The following COL11A2 variants were observed in gnomAD, a reference collection of about 807,000 sequenced individuals.
The protein encoded by COL11A2 is collagen type XI alpha 2 chain.
Under a neutral mutation model 273.4 loss-of-function variants are expected in COL11A2, and 116 were observed. The ratio of observed to expected loss-of-function variants is 0.42; its 90% CI spans 0.36 to 0.49. The LOEUF (loss-of-function observed/expected upper bound fraction) is 0.49. Ranked by LOEUF, COL11A2 falls within the 20% of genes least tolerant of loss-of-function variation. COL11A2 has a pLI of 0.00. For synonymous variants in COL11A2, 782 were observed against 864.2 expected (o/e 0.90, Z 1.67); for missense variants, 1,866 against 2,309.0 (o/e 0.81, Z 3.93).
chr6:33,163,898 C>T lies in COL11A2; in HGVS notation c.5071-80G>A. 1.9e-6 allele frequency: 3 copies of T among 1,601,798 alleles called. No individual in the cohort carries two copies. The highest frequency in any genetic ancestry group is 2.6e-6 in the Non-Finnish European group (3 of 1,170,694). On this transcript the variant is annotated intron_variant, in intron 65 of 65. Coordinates refer to ENST00000341947, the MANE Select transcript of COL11A2 (RefSeq NM_080680.3). The surrounding 1 kb of genome is among the most constrained non-coding windows in gnomAD (Gnocchi z 4.1). The stretch of plus-strand genomic sequence containing the variant: ...TCTAACCTCAGGCCCAGGCTCACCT[C>T]TCCTCTGAGCACCTTGGCCCCATCA...
rs1408609883 is a variant in COL11A2 at position 33,178,674 on chromosome 6, C to T, written c.1719+5G>A. 1 of 1,612,804 alleles carries T rather than the reference C, an allele frequency of 6.2e-7. No individual in the cohort carries two copies. The highest frequency in any genetic ancestry group is 8.5e-7 in the Non-Finnish European group (1 of 1,179,962). On this transcript the variant is annotated splice_donor_5th_base_variant and intron_variant, in intron 18 of 65. Coordinates refer to ENST00000341947, the MANE Select transcript of COL11A2 (RefSeq NM_080680.3). The surrounding 1 kb of genome is among the most constrained non-coding windows in gnomAD (Gnocchi z 4.6). ...ATTACAACACACACCCACTAATGTA[C>T]TCACCCTATGGCCCTTCTCTCCAGG...
At chr6:33,185,432 G>C (rs549903496) in intron 6 of COL11A2, among the ~76,000 whole-genome samples, 1 of 152,092 alleles carries the variant, frequency 6.6e-6, no homozygotes, top group African/African-American at 2.4e-5. Context: ...TGAGGGGGAC[G>C]CCTGCCAGGT....
rs1265758956 is a variant in COL11A2, at chr6:33,176,231, G to A, written c.2214+28C>T. On this transcript the variant is annotated intron_variant, in intron 28 of 65. Transcript: ENST00000341947. The surrounding 1 kb of genome is among the most constrained non-coding windows in gnomAD (Gnocchi z 4.9). ...AGAGAGGAGATGGCAGGACTGAGGT[G>A]CTGGGAAGCTGGGGGCATGGTGCTC... is the stretch of plus-strand genomic sequence containing the variant. The A allele has an allele frequency of 6.2e-7, 1 of 1,608,400 alleles. No individual in the cohort carries two copies. Among genetic ancestry groups the A allele is most frequent in the African/African-American group, 1.3e-5 (1 of 74,824 alleles).
chr6:33,177,685 G>C lies in COL11A2; in HGVS notation c.1894C>G (p.Pro632Ala). 6.2e-7 allele frequency: 1 copy of C among 1,612,994 alleles called. No individual in the cohort carries two copies. The highest frequency in any genetic ancestry group is 8.5e-7 in the Non-Finnish European group (1 of 1,180,000). ...ACCAAGCTCCCTTTGGGGCCCTGGGGACCATCCATGCCTCGGACGCCCTGA... is the reference window on the plus strand; with the variant it reads ...ACCAAGCTCCCTTTGGGGCCCTGGGCACCATCCATGCCTCGGACGCCCTGA... ...GPPGVRGMDG[P>A]QGPKGSLGPQ... Residue 632 changes from proline to alanine, a missense_variant, in exon 22 of 66, where the codon CCC becomes GCC. Physicochemically the swap from Pro to Ala is conservative, Grantham distance 27 (BLOSUM62 -1). Coordinates refer to ENST00000341947, the MANE Select transcript of COL11A2 (RefSeq NM_080680.3). This position sits in a 1 kb window ranked among gnomAD's most constrained non-coding sequence, Gnocchi z 5.9.
At chr6:33,186,502 A>T in intron 5 of COL11A2, 125 bp downstream of exon 5, 2 of 1,560,444 alleles carry the variant, frequency 1.3e-6, no homozygotes, top group East Asian at 4.5e-5. Flanking sequence ...ATGAATGAGG[A>T]CTAGGAGGAG....
Position 33,173,714 on chromosome 6 carries a change from G to T in COL11A2, c.2615C>A (p.Pro872His). The T allele has an allele frequency of 6.3e-7, 1 of 1,574,976 alleles. No homozygotes were observed. The highest frequency in any genetic ancestry group is 8.6e-7 in the Non-Finnish European group (1 of 1,159,182). Residue 872 changes from proline (P) to histidine (H), a missense_variant, in exon 35 of 66, where the codon CCC becomes CAC. By Grantham distance (77) the Pro-to-His change is moderately conservative. Transcript: ENST00000341947. This position sits in a 1 kb window ranked among gnomAD's most constrained non-coding sequence, Gnocchi z 6.3. Reference protein sequence around the residue: ...GTSGGDGPHGPPGERGLPGPQ... With the variant: ...GTSGGDGPHGHPGERGLPGPQ... ...ATCCACACTCACCCTCTCTCCAGGG[G>T]GCCCATGGGGGCCATCACCACCAGA...
chr6:33,168,985 G>T lies in COL11A2; in HGVS notation c.3822C>A (p.Asp1274Glu). Residue 1274 changes from aspartate to glutamate, a missense_variant, in exon 52 of 66, where the codon GAC becomes GAA. Transcript: ENST00000341947. ...GGCCACCTTCTCCAGGGGGGCCAGG[G>T]TCACCAGGAAAACCAACAGGACCCT... Reference protein sequence around the residue: ...GNPGPVGFPGDPGPPGEGGPR... With the variant: ...GNPGPVGFPGEPGPPGEGGPR... The T allele has an allele frequency of 6.2e-7, 1 of 1,609,592 alleles. No homozygotes were observed. Among genetic ancestry groups the T allele is most frequent in the Non-Finnish European group, 8.5e-7 (1 of 1,178,238 alleles).
Position 33,178,558 on chromosome 6 carries a change from C to A in COL11A2, c.1720-70G>T. 1 of 1,609,734 alleles carries A rather than the reference C, an allele frequency of 6.2e-7. No individual in the cohort carries two copies. The highest frequency in any genetic ancestry group is 8.5e-7 in the Non-Finnish European group (1 of 1,177,228). Reference sequence around the variant, plus strand: ...CACAGGCAGACACCGAACCTCTGCACTTAGCCCATCCATTACTTTCACTGA... The same window carrying A: ...CACAGGCAGACACCGAACCTCTGCAATTAGCCCATCCATTACTTTCACTGA... On this transcript the variant is annotated intron_variant, in intron 18 of 65. Transcript: ENST00000341947. This position sits in a 1 kb window ranked among gnomAD's most constrained non-coding sequence, Gnocchi z 4.6.
In COL11A2 at chr6:33,179,147, G is replaced by A. The variant is rs1012938276; in HGVS notation, c.1558-21C>T. 3.1e-6 allele frequency: 5 copies of A among 1,613,208 alleles called. No individual in the cohort carries two copies. The highest frequency in any genetic ancestry group is 1.7e-5 in the Admixed American group (1 of 59,844). On this transcript the variant is annotated intron_variant, in intron 15 of 65. Transcript: ENST00000341947. The surrounding 1 kb of genome is among the most constrained non-coding windows in gnomAD (Gnocchi z 6.4). ...GGGCCCTGGTGAGAGGAGAGATGGG[G>A]TGGGGTTAGGAGGCATAGGGAGGGG...
Position 33,180,739 on chromosome 6 carries a change from C to T in COL11A2, c.1222-9G>A. The T allele has an allele frequency of 1.9e-6, 3 of 1,610,838 alleles. No individual in the cohort carries two copies. The highest frequency in any genetic ancestry group is 2.5e-6 in the Non-Finnish European group (3 of 1,178,848). The stretch of plus-strand genomic sequence containing the variant: ...GGGGGACCAATCAATCCCTGAGGAA[C>T]AAAAGAGTAGGGGTCAGGTGTGGGC... On this transcript the variant is annotated splice_polypyrimidine_tract_variant and intron_variant, in intron 10 of 65. Coordinates refer to ENST00000341947, the MANE Select transcript of COL11A2 (RefSeq NM_080680.3).
At position 33,178,991 on chromosome 6, in the gene COL11A2, G is replaced by C; in HGVS notation, c.1612-18C>G. 2 of 1,614,162 alleles carry C rather than the reference G, an allele frequency of 1.2e-6. No homozygotes were observed. Among genetic ancestry groups the C allele is most frequent in the Non-Finnish European group, 1.7e-6 (2 of 1,180,010 alleles). ...GCCCGGCCCTGGGAGAACAAGGGAA[G>C]TGTCAGAACAAGCAGGGCCGCAGTC... On this transcript the variant is annotated intron_variant, in intron 16 of 65. Coordinates refer to ENST00000341947, the MANE Select transcript of COL11A2 (RefSeq NM_080680.3). The surrounding 1 kb of genome is among the most constrained non-coding windows in gnomAD (Gnocchi z 4.6).
At chr6:33,181,271 G>C (rs577497388) in intron 8 of COL11A2, 101 bp from the exon 9 acceptor site, 1 of 1,238,734 alleles carries the variant, frequency 8.1e-7, no homozygotes, top group African/African-American at 1.5e-5. Flanking sequence ...AGATCCTCTC[G>C]AGACCACTTC....
Position 33,177,936 on chromosome 6 carries a change from G to A in COL11A2, c.1872+196C>T. The A allele has an allele frequency of 1.3e-6, 1 of 765,064 alleles. No homozygotes were observed. Among genetic ancestry groups the A allele is most frequent in the South Asian group, 1.7e-5 (1 of 57,218 alleles). 47.4% of individuals were successfully genotyped at this position (765,064 alleles called of 1,614,324 possible). On this transcript the variant is annotated intron_variant, in intron 21 of 65. Coordinates refer to ENST00000341947, the MANE Select transcript of COL11A2 (RefSeq NM_080680.3). This position sits in a 1 kb window ranked among gnomAD's most constrained non-coding sequence, Gnocchi z 5.9. The stretch of plus-strand genomic sequence containing the variant: ...ATTTCCTATGCCCAGAGCCCTCAGG[G>A]CACCACGCCACATGGCCCTCCCTGT...
intron 5 of COL11A2, 40 bp from the exon 6 acceptor site, chr6:33,185,818 G>A (rs1452887924): frequency 2.9e-6 from 2 of 683,492 alleles, no homozygotes; most frequent in Non-Finnish European, 5.0e-6. Flanking sequence ...AGGGGATGGG[G>A]TAATTGGAAG....
At chr6:33,192,042 C>T (rs1773181270) in intron 1 of COL11A2, 117 bp downstream of exon 1, 1 of 969,110 alleles carries the variant, frequency 1.0e-6, no homozygotes, top group Non-Finnish European at 1.6e-6. Flanking sequence ...GCCTTGAAGC[C>T]CCAAATCTCC....
At position 33,165,717 on chromosome 6, in the gene COL11A2, T is replaced by C. The variant is rs759223182; in HGVS notation, c.4582A>G (p.Ile1528Val). 18 of 1,611,234 alleles carry C rather than the reference T, an allele frequency of 1.1e-5. No individual in the cohort carries two copies. In the East Asian group the frequency reaches 3.3e-4, roughly 30 times the overall value. The part of the protein sequence containing the change: ...GSRLMQEDEA[I>V]PTGGAPGSPG... ...CTGCCGGGGGCTCCCCCGGTCGGTA[T>C]GGCCTCATCTTCCTGCATCAGACGG... is the stretch of plus-strand genomic sequence containing the variant. Residue 1528 changes from isoleucine to valine, a missense_variant, in exon 63 of 66, where the codon ATA becomes GTA. Ile to Val is a conservative substitution (Grantham distance 29). Transcript: ENST00000341947. The surrounding 1 kb of genome is among the most constrained non-coding windows in gnomAD (Gnocchi z 7.7).
At position 33,170,471 on chromosome 6, in the gene COL11A2, G is replaced by A; in HGVS notation, c.3528+86C>T. 6.5e-7 allele frequency: 1 copy of A among 1,545,638 alleles called. No homozygotes were observed. Among genetic ancestry groups the A allele is most frequent in the Non-Finnish European group, 8.9e-7 (1 of 1,124,014 alleles). ...GAGGAGGAGGAGCAGCCAGGCCAGG[G>A]AGTTGGCAGTGGGGTGTGGGGTGGG... On this transcript the variant is annotated intron_variant, in intron 47 of 65. Transcript: ENST00000341947. This position sits in a 1 kb window ranked among gnomAD's most constrained non-coding sequence, Gnocchi z 4.3.
In COL11A2 at chr6:33,176,808, C is replaced by T. The variant is rs534080497; in HGVS notation, c.2071-43G>A. The T allele has an allele frequency of 1.2e-4, 194 of 1,602,304 alleles. No individual in the cohort carries two copies. The South Asian group carries it at 2.0e-3, about 16-fold the overall frequency. Reference sequence around the variant, plus strand: ...AAAATGTGACCAGTGGCCCCTGTCACCCTCTCTGCACCCCTCCCTACACTT... The same window carrying T: ...AAAATGTGACCAGTGGCCCCTGTCATCCTCTCTGCACCCCTCCCTACACTT... On this transcript the variant is annotated intron_variant, in intron 25 of 65. Coordinates refer to ENST00000341947, the MANE Select transcript of COL11A2 (RefSeq NM_080680.3). This position sits in a 1 kb window ranked among gnomAD's most constrained non-coding sequence, Gnocchi z 4.9.
intron 41 of COL11A2, 71 bp from the exon 42 acceptor site, chr6:33,171,891 C>T: frequency 8.3e-6 from 13 of 1,574,948 alleles, no homozygotes; most frequent in Non-Finnish European, 1.1e-5. Flanking sequence ...CCTCAGACCA[C>T]AATTCCCAAA....
Sources: allele counts gnomAD v4.1 joint callset (sites outside exome capture counted in the v4.1 genomes callset), GRCh38; gene constraint gnomAD v4.1.1; non-coding constraint Gnocchi (gnomAD v3.1); transcripts MANE v1.5; gene names NCBI Gene and HGNC (gene_info 2026-07-23, HGNC 2026-07-21).